The following SNX14 variants were observed in gnomAD, a reference collection of about 807,000 sequenced individuals.
SNX14 encodes sorting nexin-14.
In SNX14, 93 loss-of-function variants were observed where a neutral mutation model predicts 133.8. The ratio of observed to expected loss-of-function variants is 0.70; its 90% CI spans 0.59 to 0.83. The LOEUF (loss-of-function observed/expected upper bound fraction) is 0.83. Ranked by LOEUF, SNX14 falls within the 40% of genes least tolerant of loss-of-function variation. The pLI is 0.00. For synonymous variants in SNX14, 368 were observed against 365.6 expected, an observed-to-expected ratio of 1.01 and a Z score of -0.07; for missense variants, 945 against 1,094.9, an observed-to-expected ratio of 0.86 and a Z score of 1.93.
chr6:85,506,306 A>C (rs1770638932), intron 28 of SNX14, among the ~76,000 whole-genome samples: 1 of 150,760 alleles, frequency 6.6e-6, no homozygotes, highest in Non-Finnish European at 1.5e-5. Context: ...ACTTAATATC[A>C]CAATAACTTG....
chr6:85,574,996 A>G (rs1796852439), intron 1 of SNX14, among the ~76,000 whole-genome samples: 1 of 152,244 alleles, frequency 6.6e-6, no homozygotes, highest in Non-Finnish European at 1.5e-5. Context: ...CTTAAAGGGT[A>G]AGTAGGAACA....
intron 23 of SNX14, among the ~76,000 whole-genome samples, chr6:85,516,001 A>T (rs1012338103): frequency 6.6e-6 from 1 of 152,202 alleles, no homozygotes; most frequent in Non-Finnish European, 1.5e-5. Flanking sequence ...CTTTTAAATT[A>T]AAACTCAACC....
At chr6:85,589,692 A>G (rs371683062) in intron 1 of SNX14, 5 of 152,376 alleles carry the variant, frequency 3.3e-5, no homozygotes, top group African/African-American at 1.2e-4. Context: ...AATCTCTTTC[A>G]TGATTTCCTT....
chr6:85,572,425 C>A, intron 2 of SNX14, 51 bp from the exon 3 acceptor site: 2 of 1,335,168 alleles, frequency 1.5e-6, no homozygotes, highest in Non-Finnish European at 2.1e-6. Context: ...TACATAACAT[C>A]TTTATTTAAA....
chr6:85,530,705 T>C (rs1043357966), intron 18 of SNX14, among the ~76,000 whole-genome samples: 1 of 151,984 alleles, frequency 6.6e-6, no homozygotes, highest in East Asian at 1.9e-4. Flanking sequence ...TATTCCACAG[T>C]TGTAATTTGT....
At chr6:85,513,740 A>C in intron 26 of SNX14, 60 bp downstream of exon 26, 10 of 1,265,360 alleles carry the variant, frequency 7.9e-6, no homozygotes, top group Non-Finnish European at 1.1e-5. Context: ...ATTACTATAC[A>C]TTGTGACCTC....
chr6:85,552,075 C>T (rs1388108226), intron 7 of SNX14, among the ~76,000 whole-genome samples: 7 of 125,278 alleles, frequency 5.6e-5, no homozygotes, highest in Non-Finnish European at 1.1e-4. Flanking sequence ...CTCGCTCTGT[C>T]GCCCAGGCTG....
intron 26 of SNX14, among the ~76,000 whole-genome samples, chr6:85,510,869 A>G (rs189542611): frequency 1.3e-5 from 2 of 152,288 alleles, no homozygotes; most frequent in East Asian, 3.9e-4. Flanking sequence ...CAATCCTGTG[A>G]CTTTGTTGTT....
intron 6 of SNX14, among the ~76,000 whole-genome samples, chr6:85,558,618 C>T (rs370422823): frequency 3.9e-4 from 59 of 152,124 alleles, no homozygotes; most frequent in African/African-American, 1.3e-3. Flanking sequence ...CATGCCACCA[C>T]GCCCAGCTAG....
chr6:85,565,489 G>T, intron 5 of SNX14, 70 bp from the exon 6 acceptor site: 2 of 1,203,626 alleles, frequency 1.7e-6, no homozygotes, highest in Non-Finnish European at 2.3e-6. Flanking sequence ...CAATCCAAGG[G>T]AAAATTTTCC....
At chr6:85,580,910 C>T (rs1798862037) in intron 1 of SNX14, among the ~76,000 whole-genome samples, 1 of 152,124 alleles carries the variant, frequency 6.6e-6, no homozygotes, top group African/African-American at 2.4e-5. Flanking sequence ...GGAACCACCC[C>T]ATATCCAGGG....
At chr6:85,586,238 T>C (rs370021925) in intron 1 of SNX14, among the ~76,000 whole-genome samples, 5 of 152,222 alleles carry the variant, frequency 3.3e-5, no homozygotes, top group African/African-American at 1.2e-4. Context: ...TGTTTTTGTA[T>C]GCCCCTCATA....
At chr6:85,543,120 T>C in intron 14 of SNX14, 62 bp downstream of exon 14, 1 of 1,369,036 alleles carries the variant, frequency 7.3e-7, no homozygotes, top group Non-Finnish European at 9.7e-7. Flanking sequence ...CATCTAATGA[T>C]ATCAAAGCTA....
intron 1 of SNX14, among the ~76,000 whole-genome samples, chr6:85,587,214 A>G (rs1192870813): frequency 1.3e-5 from 2 of 152,118 alleles, no homozygotes; most frequent in Non-Finnish European, 2.9e-5. Flanking sequence ...AGGCAAAAAA[A>G]AAAATATGGC....
intron 23 of SNX14, among the ~76,000 whole-genome samples, chr6:85,517,402 C>G (rs1775400116): frequency 6.6e-6 from 1 of 152,060 alleles, no homozygotes; most frequent in Non-Finnish European, 1.5e-5. Context: ...ACTTTATAAG[C>G]CATGAAAGTT....
intron 16 of SNX14, among the ~76,000 whole-genome samples, chr6:85,537,279 A>T (rs1282207455): frequency 2.6e-5 from 4 of 152,194 alleles, no homozygotes; most frequent in African/African-American, 7.2e-5. Flanking sequence ...AAAATAGATT[A>T]AAAAATGCTT....
chr6:85,569,662 C>A (rs1794958746), intron 4 of SNX14, among the ~76,000 whole-genome samples: 1 of 152,018 alleles, frequency 6.6e-6, no homozygotes, highest in Non-Finnish European at 1.5e-5. Context: ...CTTAACCAGA[C>A]CTGAGTTTTT....
At chr6:85,569,778 G>T (rs1052152327) in intron 4 of SNX14, among the ~76,000 whole-genome samples, 4 of 152,064 alleles carry the variant, frequency 2.6e-5, no homozygotes, top group Admixed American at 1.3e-4. Context: ...CACTTCATAG[G>T]TTATACATAG....
At position 85,536,775 on chromosome 6, in the gene SNX14, T is replaced by G; in HGVS notation, c.1608+17A>C. 1.2e-6 allele frequency: 2 copies of G among 1,602,804 alleles called. No individual in the cohort carries two copies. The highest frequency in any genetic ancestry group is 1.7e-6 in the Non-Finnish European group (2 of 1,175,518). On this transcript the variant is annotated intron_variant, in intron 17 of 28. Transcript: ENST00000314673. ...GTCTGAAGTTATAAATAAATCAAAT[T>G]GATACATTTTACTTACAAAATCATC...
Sources: allele counts gnomAD v4.1 joint callset (sites outside exome capture counted in the v4.1 genomes callset), GRCh38; gene constraint gnomAD v4.1.1; transcripts MANE v1.5; gene names NCBI Gene and HGNC (gene_info 2026-07-23, HGNC 2026-07-21).